Variants in STX8 observed in about 807,000 individuals in gnomAD.
STX8 encodes syntaxin 8.
A neutral mutation model predicts 37.5 loss-of-function variants in STX8; 23 were observed. The ratio of observed to expected loss-of-function variants is 0.61; its 90% CI spans 0.44 to 0.87. The LOEUF (loss-of-function observed/expected upper bound fraction) is 0.87, where lower values mean the gene tolerates loss of function less well. STX8 is among the 40% of genes least tolerant of loss of function. STX8 has a pLI of 0.00. For missense variants in STX8, 313 were observed against 284.7 expected (o/e 1.10, Z -0.71); for synonymous variants, 115 against 99.1 (o/e 1.16, Z -0.95).
chr17:9,300,841 T>TTC (rs1908749029), intron 7 of STX8, among the ~76,000 whole-genome samples: 1 of 141,066 alleles, frequency 7.1e-6, no homozygotes, highest in Non-Finnish European at 1.6e-5. Flanking sequence ...TTTTTTTTTT[T>TTC]TTTTTTTTTT....
chr17:9,316,309 G>C (rs1909380153), intron 7 of STX8, among the ~76,000 whole-genome samples: 1 of 152,044 alleles, frequency 6.6e-6, no homozygotes, highest in African/African-American at 2.4e-5. Flanking sequence ...ATGTTAATGA[G>C]ATGATGGCTG....
At chr17:9,524,408 C>T (rs1905478932) in intron 4 of STX8, among the ~76,000 whole-genome samples, 1 of 152,140 alleles carries the variant, frequency 6.6e-6, no homozygotes, top group South Asian at 2.1e-4. Context: ...GTGCCTTCTA[C>T]ATGTTCTCAT....
intron 6 of STX8, among the ~76,000 whole-genome samples, chr17:9,380,409 C>T (rs1226186080): frequency 6.6e-6 from 1 of 151,958 alleles, no homozygotes; most frequent in Non-Finnish European, 1.5e-5. Context: ...TGTGCCACCA[C>T]TCCCAGGTTA....
At chr17:9,513,980 C>G (rs1378361530) in intron 4 of STX8, among the ~76,000 whole-genome samples, 1 of 152,130 alleles carries the variant, frequency 6.6e-6, no homozygotes, top group Non-Finnish European at 1.5e-5. Flanking sequence ...AAAAGTTGAT[C>G]TCATAGAAGT....
At chr17:9,264,156 C>A (rs1358333076) in intron 7 of STX8, among the ~76,000 whole-genome samples, 2 of 152,230 alleles carry the variant, frequency 1.3e-5, no homozygotes, top group Non-Finnish European at 2.9e-5. Context: ...GCCAGCCCCA[C>A]TGGGTTCCAG....
At chr17:9,381,647 T>C (rs1567805269) in intron 6 of STX8, among the ~76,000 whole-genome samples, 1 of 152,168 alleles carries the variant, frequency 6.6e-6, no homozygotes, top group Non-Finnish European at 1.5e-5. Flanking sequence ...GAGAATGCCT[T>C]GTATACAGCA....
chr17:9,432,500 A>AG (rs1477147003), intron 6 of STX8, among the ~76,000 whole-genome samples: 1 of 131,296 alleles, frequency 7.6e-6, no homozygotes, highest in Non-Finnish European at 1.6e-5. Context: ...CTAAATCGGA[A>AG]GAAAAAAAAA....
In STX8 at chr17:9,483,685, A is replaced by G. The variant is rs1013182460; in HGVS notation, c.541+8144T>C. 3.3e-5 allele frequency among the ~76,000 whole-genome samples: 5 copies of G among 152,274 alleles called. No individual in the cohort carries two copies. In the South Asian group the frequency reaches 1.0e-3, roughly 32 times the overall value. On this transcript the variant is annotated intron_variant, in intron 6 of 7. Transcript: ENST00000306357. ...AGTCGTATTTTATCCTTTAAGGAGC[A>G]CAGTCATATTTTCTAGCACGTTCAA...
chr17:9,253,108 C>T (rs1413932571), intron 7 of STX8, among the ~76,000 whole-genome samples: 1 of 152,070 alleles, frequency 6.6e-6, no homozygotes, highest in East Asian at 1.9e-4. Context: ...TTCCTTTCTT[C>T]CTTGTAAATT....
intron 7 of STX8, among the ~76,000 whole-genome samples, chr17:9,279,914 T>C (rs962525753): frequency 1.3e-5 from 2 of 152,212 alleles, no homozygotes; most frequent in Non-Finnish European, 2.9e-5. Context: ...AGATTCCAAC[T>C]CCTTTCTCAT....
chr17:9,392,235 C>G (rs79650768), intron 6 of STX8, among the ~76,000 whole-genome samples: 1 of 152,022 alleles, frequency 6.6e-6, no homozygotes, highest in African/African-American at 2.4e-5. Context: ...TATGAACATC[C>G]GGAAAATTTC....
intron 4 of STX8, among the ~76,000 whole-genome samples, chr17:9,542,663 C>CA (rs1187058772): frequency 5.3e-5 from 8 of 151,538 alleles, no homozygotes; most frequent in African/African-American, 1.9e-4. Context: ...GGCGACAGAG[C>CA]AAGACTCCAT....
chr17:9,530,348 C>A (rs1212398155), intron 4 of STX8, among the ~76,000 whole-genome samples: 1 of 150,882 alleles, frequency 6.6e-6, no homozygotes, highest in Non-Finnish European at 1.5e-5. Context: ...TATAAACATT[C>A]TTGTACGTGC....
intron 7 of STX8, among the ~76,000 whole-genome samples, chr17:9,327,400 G>GAGA (rs201205903): frequency 6.6e-6 from 1 of 151,774 alleles, no homozygotes; most frequent in Non-Finnish European, 1.5e-5. Context: ...GAGGGAGAAG[G>GAGA]AGAAGAAGAA....
chr17:9,433,843 C>T (rs960687647), intron 6 of STX8, among the ~76,000 whole-genome samples: 2 of 152,006 alleles, frequency 1.3e-5, no homozygotes, highest in Non-Finnish European at 2.9e-5. Context: ...ATTTGAACTA[C>T]GGTTGTGTGT....
intron 4 of STX8, among the ~76,000 whole-genome samples, chr17:9,515,107 T>C (rs1463871868): frequency 6.6e-6 from 1 of 152,210 alleles, no homozygotes; most frequent in African/African-American, 2.4e-5. Flanking sequence ...TAGATTCTTG[T>C]TATCGGTGCT....
chr17:9,337,939 G>A (rs1233275396), intron 7 of STX8, among the ~76,000 whole-genome samples: 1 of 152,064 alleles, frequency 6.6e-6, no homozygotes. Flanking sequence ...TGGCCAACGG[G>A]GAAGGAAGTG....
chr17:9,268,264 G>C (rs1232895005), intron 7 of STX8, among the ~76,000 whole-genome samples: 1 of 149,880 alleles, frequency 6.7e-6, no homozygotes, highest in Admixed American at 6.7e-5. Flanking sequence ...TGGGCACCAT[G>C]AAGATTGGTG....
At chr17:9,346,473 C>T (rs1319444451) in intron 7 of STX8, among the ~76,000 whole-genome samples, 1 of 152,086 alleles carries the variant, frequency 6.6e-6, no homozygotes, top group Non-Finnish European at 1.5e-5. Context: ...TTGAGAAGTA[C>T]CACGGAAAGA....
Sources: gnomAD v4.1 joint callset for allele counts (sites outside exome capture counted in the v4.1 genomes callset) on GRCh38, gnomAD v4.1.1 for gene constraint, MANE v1.5 for transcripts, NCBI Gene and HGNC (gene_info 2026-07-23, HGNC 2026-07-21) for gene names.